CNGB3: variants seen among roughly 807,000 people sequenced by gnomAD.
The protein encoded by CNGB3 is cyclic nucleotide gated channel subunit beta 3, also known as cyclic nucleotide-gated channel beta-3.
A neutral mutation model predicts 92.8 loss-of-function variants in CNGB3; 86 were observed. The ratio of observed to expected loss-of-function variants is 0.93; its 90% CI spans 0.78 to 1.11. The LOEUF (loss-of-function observed/expected upper bound fraction) is 1.11, where lower values mean the gene tolerates loss of function less well. Ranked by LOEUF, CNGB3 falls within the 50% of genes least tolerant of loss-of-function variation. The probability of loss-of-function intolerance (pLI) is 0.00; values close to 1 mark genes in which losing one functional copy is unlikely to be tolerated. For missense variants in CNGB3, 1,026 were observed against 956.8 expected (o/e 1.07, Z -0.95); for synonymous variants, 333 against 332.7 (o/e 1.00, Z -0.01).
At chr8:86,647,908 C>G in intron 7 of CNGB3, 21 bp from the exon 8 acceptor site, 1 of 1,405,104 alleles carries the variant, frequency 7.1e-7, no homozygotes, top group Middle Eastern at 1.8e-4. Flanking sequence ...AACACATTCA[C>G]AAATATGTTG....
At chr8:86,597,102 C>T (rs993905109) in intron 15 of CNGB3, among the ~76,000 whole-genome samples, 17 of 152,284 alleles carry the variant, frequency 1.1e-4, no homozygotes, top group African/African-American at 3.6e-4. Context: ...AGCAAACCAA[C>T]ATGGCACATG....
At chr8:86,668,447 G>T (rs983920964) in intron 4 of CNGB3, among the ~76,000 whole-genome samples, 6 of 151,998 alleles carry the variant, frequency 3.9e-5, no homozygotes, top group African/African-American at 4.8e-5. Context: ...TAACAAACCT[G>T]CATGTTCTGC....
chr8:86,682,767 G>C (rs758420738), intron 3 of CNGB3, among the ~76,000 whole-genome samples: 23 of 152,192 alleles, frequency 1.5e-4, no homozygotes, highest in Non-Finnish European at 2.6e-4. Flanking sequence ...GAGGCTTAGA[G>C]AAACCAGAAA....
rs542517675 is a variant in CNGB3 at position 86,578,561 on chromosome 8, G to A, written c.2103+128C>T. ...TAATAATGTGCTATATATAAAGCAG[G>A]AAGTATTAGTATTAGATTAGTCCAA... On this transcript the variant is annotated intron_variant, in intron 17 of 17. Transcript: ENST00000320005. The A allele has an allele frequency of 9.0e-5, 79 of 877,214 alleles. No individual in the cohort carries two copies. The South Asian group carries it at 9.9e-4, about 11-fold the overall frequency. 54.3% of individuals were successfully genotyped at this position (877,214 alleles called of 1,614,324 possible). A position where few individuals can be genotyped will look rare whatever the true frequency, so the allele number is the denominator to read the frequency against.
At chr8:86,710,535 C>T (rs887378187) in intron 3 of CNGB3, among the ~76,000 whole-genome samples, 11 of 152,156 alleles carry the variant, frequency 7.2e-5, no homozygotes, top group African/African-American at 2.7e-4. Context: ...TTCCCTTTTA[C>T]CTGTTAGCCA....
rs1289507860 is a variant in CNGB3 at position 86,726,540 on chromosome 8, C to T, written c.329G>A (p.Gly110Asp). 1 of 1,613,762 alleles carries T rather than the reference C, an allele frequency of 6.2e-7. No individual in the cohort carries two copies. Among genetic ancestry groups the T allele is most frequent in the South Asian group, 1.1e-5 (1 of 91,078 alleles). Residue 110 changes from glycine (G) to aspartate (D), a missense_variant, in exon 3 of 18, where the codon GGT becomes GAT. Gly to Asp is a moderately conservative substitution (Grantham distance 94, BLOSUM62 -1). Transcript: ENST00000320005. Reference protein sequence around the residue: ...EQKEMDPGKEGPNSPQNKPPA... With the variant: ...EQKEMDPGKEDPNSPQNKPPA... ...TTTATTAAATGCTCACCTGTTTGGA[C>T]CTTCTTTCCCGGGGTCCATTTCCTT...
intron 6 of CNGB3, chr8:86,660,366 C>T: frequency 2.4e-6 from 1 of 413,792 alleles, no homozygotes; most frequent in Non-Finnish European, 4.8e-6. Context: ...ATCCAGTCAT[C>T]TACCGGGCAG....
intron 3 of CNGB3, among the ~76,000 whole-genome samples, chr8:86,713,870 A>G (rs567645564): frequency 6.6e-6 from 1 of 152,330 alleles, no homozygotes; most frequent in Admixed American, 6.5e-5. Flanking sequence ...TTCATTGTTT[A>G]GAGCAGCTTT....
intron 3 of CNGB3, among the ~76,000 whole-genome samples, chr8:86,714,640 G>A (rs549242310): frequency 6.6e-6 from 1 of 152,244 alleles, no homozygotes; most frequent in East Asian, 1.9e-4. Context: ...AAAACTGAGA[G>A]AATCCACAGA....
At chr8:86,616,106 TA>T (rs1170530460) in intron 13 of CNGB3, among the ~76,000 whole-genome samples, 1 of 152,176 alleles carries the variant, frequency 6.6e-6, no homozygotes, top group African/African-American at 2.4e-5. Context: ...TTGGCAGGAA[TA>T]CACACAAGCA....
Position 86,667,111 on chromosome 8 carries a change from G to C in CNGB3, c.666C>G (p.Leu222=), listed in dbSNP as rs371758459. 2 of 1,613,978 alleles carry C rather than the reference G, an allele frequency of 1.2e-6. No individual in the cohort carries two copies. Among genetic ancestry groups the C allele is most frequent in the African/African-American group, 1.3e-5 (1 of 74,928 alleles). ...AGTTATAGGCAAGAGTGACAAGCAA[G>C]AGCCACAGGAGATAGAGTCGATCTG... ...SYTDRLYLLW[L]LLVTLAYNWN... is the part of the protein sequence containing the mutation. Residue 222 remains leucine (L), a synonymous_variant, in exon 6 of 18, where the codon CTC becomes CTG. Transcript: ENST00000320005.
Position 86,647,871 on chromosome 8 carries a change from A to G in CNGB3, c.920T>C (p.Ile307Thr). The G allele has an allele frequency of 6.3e-7, 1 of 1,594,902 alleles. No homozygotes were observed. Among genetic ancestry groups the G allele is most frequent in the East Asian group, 2.2e-5 (1 of 44,636 alleles). ...STKFQLDVASIIPFDICYLFF... is the reference protein window; with the variant it reads ...STKFQLDVASTIPFDICYLFF... ...GAGGTAGCAAATATCAAATGGTATT[A>G]TTGATGCGACATCCAACTGTTGAAA... Residue 307 changes from isoleucine (I) to threonine (T), a missense_variant, in exon 8 of 18, where the codon ATA becomes ACA. By Grantham distance (89) the Ile-to-Thr change is moderately conservative (BLOSUM62 -1). Coordinates refer to ENST00000320005, the MANE Select transcript of CNGB3 (RefSeq NM_019098.5).
At chr8:86,679,195 T>C (rs1309043123) in intron 3 of CNGB3, among the ~76,000 whole-genome samples, 2 of 152,226 alleles carry the variant, frequency 1.3e-5, no homozygotes, top group African/African-American at 4.8e-5. Flanking sequence ...TCATATTCTG[T>C]ATTCACTTTG....
chr8:86,661,970 GC>G, intron 6 of CNGB3: 1 of 535,884 alleles, frequency 1.9e-6, no homozygotes, highest in Non-Finnish European at 3.4e-6. Flanking sequence ...AACAGTCCTG[GC>G]CTCCGTGGTG....
At chr8:86,590,168 C>CT (rs1403007694) in intron 15 of CNGB3, among the ~76,000 whole-genome samples, 4 of 151,926 alleles carry the variant, frequency 2.6e-5, no homozygotes, top group Non-Finnish European at 4.4e-5. Flanking sequence ...CAACCCCTGC[C>CT]TTTTTTTGTT....
intron 7 of CNGB3, among the ~76,000 whole-genome samples, chr8:86,650,680 G>A (rs1487578000): frequency 6.6e-6 from 1 of 151,692 alleles, no homozygotes; most frequent in Non-Finnish European, 1.5e-5. Flanking sequence ...TGGCATGGAT[G>A]TGGTAAAAGG....
At chr8:86,665,923 G>A (rs1388528179) in intron 6 of CNGB3, among the ~76,000 whole-genome samples, 3 of 152,150 alleles carry the variant, frequency 2.0e-5, no homozygotes, top group Non-Finnish European at 4.4e-5. Context: ...GGTCATGAAA[G>A]CTTTGCTTTG....
chr8:86,660,088 C>G, intron 6 of CNGB3: 1 of 318,406 alleles, frequency 3.1e-6, no homozygotes, highest in Non-Finnish European at 6.5e-6. Context: ...CATGAGCAGA[C>G]AGTTGTAGAG....
At chr8:86,666,670 A>G (rs1303572223) in intron 6 of CNGB3, among the ~76,000 whole-genome samples, 1 of 152,204 alleles carries the variant, frequency 6.6e-6, no homozygotes, top group Non-Finnish European at 1.5e-5. Context: ...TTCCATCAAT[A>G]TTATGATGGT....
Sources: gnomAD v4.1 joint callset for allele counts (sites outside exome capture counted in the v4.1 genomes callset) on GRCh38, gnomAD v4.1.1 for gene constraint, MANE v1.5 for transcripts, NCBI Gene and HGNC (gene_info 2026-07-23, HGNC 2026-07-21) for gene names.